The following PPM1L variants were observed in gnomAD, a reference collection of about 807,000 sequenced individuals.
The protein encoded by PPM1L is protein phosphatase, Mg2+/Mn2+ dependent 1L, also known as protein phosphatase 1L.
In PPM1L, 13 loss-of-function variants were observed where a neutral mutation model predicts 31.4. The observed-to-expected ratio is 0.41, with a 90% CI of 0.27 to 0.66. The LOEUF (loss-of-function observed/expected upper bound fraction) is 0.66, where lower values mean the gene tolerates loss of function less well. PPM1L is among the 30% of genes least tolerant of loss of function. PPM1L has a pLI of 0.29. For synonymous variants in PPM1L, 184 were observed against 175.4 expected, an observed-to-expected ratio of 1.05 and a Z score of -0.39; for missense variants, 326 against 453.7, an observed-to-expected ratio of 0.72 and a Z score of 2.56.
At position 161,007,228 on chromosome 3, in the gene PPM1L, A is replaced by T. The variant is rs186659324; in HGVS notation, c.574+45318A>T. Among the ~76,000 whole-genome samples the T allele has an allele frequency of 3.9e-5, 6 of 152,358 alleles. No individual in the cohort carries two copies. In the East Asian group the frequency reaches 1.2e-3, roughly 29 times the overall value. On this transcript the variant is annotated intron_variant, in intron 2 of 3. Transcript: ENST00000498165. ...TGATGGTGTCAAGGGCTCCAGAATA[A>T]AAGATGAGCGGGGCAAGGAATGCCA... is the stretch of plus-strand genomic sequence containing the variant.
intron 2 of PPM1L, among the ~76,000 whole-genome samples, chr3:161,018,470 G>A (rs1179774232): frequency 1.3e-5 from 2 of 151,932 alleles, no homozygotes; most frequent in African/African-American, 4.8e-5. Context: ...TTATTGCTTT[G>A]GAATTTTTTT....
chr3:161,068,251 A>G (rs1363614682), intron 3 of PPM1L, among the ~76,000 whole-genome samples: 1 of 152,186 alleles, frequency 6.6e-6, no homozygotes, highest in African/African-American at 2.4e-5. Flanking sequence ...TTCTCATCCA[A>G]AGTGAGACAT....
rs926498877 is a variant in PPM1L at position 160,756,508 on chromosome 3, T to C, written c.200T>C (p.Met67Thr). ...GTGAAGGGCAAGGTAGCCGAGATCA[T>C]GCAGAACGATCGACTCGGGGGGCTT... Reference protein sequence around the residue: ...KMVKGKVAEIMQNDRLGGLDV... With the variant: ...KMVKGKVAEITQNDRLGGLDV... Residue 67 changes from methionine to threonine, a missense_variant, in exon 1 of 4, where the codon ATG becomes ACG. This residue lies in a region of PPM1L where 83 missense variants were observed against 79.4 expected (regional missense o/e 1.04). Transcript: ENST00000498165. This position sits in a 1 kb window ranked among gnomAD's most constrained non-coding sequence, Gnocchi z 6.2. 3.1e-6 allele frequency: 5 copies of C among 1,613,950 alleles called. No homozygotes were observed. The highest frequency in any genetic ancestry group is 1.3e-5 in the African/African-American group (1 of 74,888).
chr3:161,049,216 T>G (rs1167535713), intron 2 of PPM1L, among the ~76,000 whole-genome samples: 1 of 151,640 alleles, frequency 6.6e-6, no homozygotes, highest in African/African-American at 2.4e-5. Flanking sequence ...AGATCGAGGC[T>G]GCAATGAGCC....
rs9868315 is a variant in PPM1L, at chr3:161,050,024, A to G, written c.575-15379A>G. On this transcript the variant is annotated intron_variant, in intron 2 of 3. Coordinates refer to ENST00000498165, the MANE Select transcript of PPM1L (RefSeq NM_139245.4). ...CCATCCCTTGTCCCTTCCTGGGCAA[A>G]AGCATCTAACCATGTGGTATGGTGG... Among the ~76,000 whole-genome samples, 1,513 of 152,256 alleles carry G rather than the reference A, an allele frequency of 9.9e-3. 10 individuals are homozygous for G. The highest frequency in any genetic ancestry group is 0.014 in the Admixed American group (210 of 15,296).
intron 1 of PPM1L, among the ~76,000 whole-genome samples, chr3:160,782,421 A>G (rs1323428083): frequency 6.6e-6 from 1 of 152,228 alleles, no homozygotes; most frequent in African/African-American, 2.4e-5. Context: ...CTTATGAACA[A>G]CAGACAACTG....
rs1047297272 is a variant in PPM1L at position 161,068,998 on chromosome 3, C to G, written c.924C>G (p.Phe308Leu). Residue 308 changes from phenylalanine to leucine, a missense_variant, in exon 4 of 4, where the codon TTC (phenylalanine) becomes TTG (leucine). This residue lies in a region of PPM1L where 201 missense variants were observed against 298.2 expected (regional missense o/e 0.67). Coordinates refer to ENST00000498165, the MANE Select transcript of PPM1L (RefSeq NM_139245.4). Reference protein sequence around the residue: ...ILASDGLWDAFSNEEAVRFIK... With the variant: ...ILASDGLWDALSNEEAVRFIK... ...CATCAGATGGTCTCTGGGATGCTTT[C>G]AGCAATGAAGAAGCAGTTCGATTCA... 1 of 1,614,206 alleles carries G rather than the reference C, an allele frequency of 6.2e-7. No homozygotes were observed. Among genetic ancestry groups the G allele is most frequent in the African/African-American group, 1.3e-5 (1 of 75,042 alleles).
At chr3:160,819,695 T>C (rs1370045228) in intron 1 of PPM1L, among the ~76,000 whole-genome samples, 2 of 152,008 alleles carry the variant, frequency 1.3e-5, no homozygotes, top group African/African-American at 4.8e-5. Context: ...CTGTGTAACA[T>C]ACTGTATATT....
chr3:160,850,894 G>GGA (rs1553812637), intron 1 of PPM1L, among the ~76,000 whole-genome samples: 1 of 148,366 alleles, frequency 6.7e-6, no homozygotes, highest in Admixed American at 6.7e-5. Flanking sequence ...TGGGGGGGGG[G>GGA]TCATTATTGT....
intron 1 of PPM1L, among the ~76,000 whole-genome samples, chr3:160,757,885 A>G (rs545262560): frequency 1.2e-4 from 19 of 152,130 alleles, no homozygotes; most frequent in Admixed American, 3.9e-4. Flanking sequence ...ATTCTTTTTC[A>G]AGCATTTGCT....
chr3:161,003,053 A>G (rs1263696868), intron 2 of PPM1L, among the ~76,000 whole-genome samples: 2,015 of 150,564 alleles, frequency 0.013, 40 homozygotes, highest in African/African-American at 0.045. Context: ...AGCTTTCTAC[A>G]TATGGCTAGC....
At chr3:161,056,865 C>T (rs141661695) in intron 2 of PPM1L, among the ~76,000 whole-genome samples, 1 of 151,992 alleles carries the variant, frequency 6.6e-6, no homozygotes, top group East Asian at 1.9e-4. Context: ...AGTTCAAGAC[C>T]AACCTGGACA....
At chr3:160,814,451 G>A (rs1477874977) in intron 1 of PPM1L, among the ~76,000 whole-genome samples, 1 of 151,730 alleles carries the variant, frequency 6.6e-6, no homozygotes, top group East Asian at 1.9e-4. Context: ...CTATCAACGA[G>A]TGGATGAAGA....
intron 2 of PPM1L, among the ~76,000 whole-genome samples, chr3:161,012,024 A>C (rs1472135153): frequency 6.6e-6 from 1 of 152,018 alleles, no homozygotes; most frequent in Non-Finnish European, 1.5e-5. Flanking sequence ...TCTCCTGCCT[A>C]ATTGCCCTGG....
chr3:160,987,116 T>A (rs1360750929), intron 2 of PPM1L, among the ~76,000 whole-genome samples: 1 of 152,216 alleles, frequency 6.6e-6, no homozygotes, highest in Admixed American at 6.5e-5. Flanking sequence ...AAAGGCATGG[T>A]GTCCAGTTTG....
At chr3:160,865,030 T>C (rs1712040682) in intron 1 of PPM1L, among the ~76,000 whole-genome samples, 1 of 152,110 alleles carries the variant, frequency 6.6e-6, no homozygotes, top group African/African-American at 2.4e-5. Context: ...GAAATGGTTT[T>C]TGAAAAAACA....
intron 1 of PPM1L, among the ~76,000 whole-genome samples, chr3:160,924,775 G>C (rs1714529993): frequency 6.6e-6 from 1 of 152,142 alleles, no homozygotes; most frequent in Admixed American, 6.5e-5. Context: ...GTGTAATAGG[G>C]TATTCTTCTC....
At chr3:160,947,963 C>A (rs989279069) in intron 1 of PPM1L, among the ~76,000 whole-genome samples, 2 of 152,154 alleles carry the variant, frequency 1.3e-5, no homozygotes, top group Admixed American at 1.3e-4. Flanking sequence ...ACCCAAAATT[C>A]TAATCGCACC....
At position 160,898,884 on chromosome 3, in the gene PPM1L, G is replaced by C. The variant is rs568718384; in HGVS notation, c.400-62852G>C. 3.1e-4 allele frequency among the ~76,000 whole-genome samples: 47 copies of C among 152,278 alleles called. 1 individual carries two copies. In the South Asian group the frequency reaches 8.9e-3, roughly 29 times the overall value. On this transcript the variant is annotated intron_variant, in intron 1 of 3. Transcript: ENST00000498165. ...GGAGAAGGAGACTCAGAGACATTAA[G>C]TTAACATGCTCAAGATTATAAGTAT...
Sources: allele counts gnomAD v4.1 joint callset (sites outside exome capture counted in the v4.1 genomes callset), GRCh38; gene constraint gnomAD v4.1.1; regional missense constraint gnomAD v4.1.1; non-coding constraint Gnocchi (gnomAD v3.1); transcripts MANE v1.5; gene names NCBI Gene and HGNC (gene_info 2026-07-23, HGNC 2026-07-21).